The following CAMTA1 variants were observed in gnomAD, a reference collection of about 807,000 sequenced individuals.
CAMTA1 encodes the protein calmodulin-binding transcription activator 1.
CAMTA1 carries 27 observed loss-of-function variants against 170.9 expected under a neutral mutation model. The observed-to-expected ratio is 0.16, with a 90% CI of 0.12 to 0.22. CAMTA1 has a LOEUF of 0.22. CAMTA1 is among the 10% of genes least tolerant of loss of function. The pLI, the probability that CAMTA1 is intolerant of heterozygous loss-of-function variation, is 1.00. For synonymous variants in CAMTA1, 833 were observed against 891.5 expected (o/e 0.93, Z 1.17); for missense variants, 1,619 against 2,217.2 (o/e 0.73, Z 5.42).
chr1:7,276,037 A>T (rs1221486192), intron 5 of CAMTA1, among the ~76,000 whole-genome samples: 1 of 151,832 alleles, frequency 6.6e-6, no homozygotes, highest in Non-Finnish European at 1.5e-5. Flanking sequence ...AAAGGATAAT[A>T]CACCACGATT....
chr1:7,332,933 A>G (rs2083124826), intron 5 of CAMTA1, among the ~76,000 whole-genome samples: 1 of 152,210 alleles, frequency 6.6e-6, no homozygotes, highest in South Asian at 2.1e-4. Flanking sequence ...CGTAGGCTTG[A>G]TAAGTTCACA....
intron 22 of CAMTA1, among the ~76,000 whole-genome samples, chr1:7,758,884 G>C (rs1344929477): frequency 2.1e-5 from 3 of 143,488 alleles, no homozygotes; most frequent in South Asian, 2.2e-4. Context: ...GCAGTGAGCC[G>C]AGATAGCGCC....
At chr1:7,117,819 G>A (rs887898837) in intron 4 of CAMTA1, among the ~76,000 whole-genome samples, 3 of 152,130 alleles carry the variant, frequency 2.0e-5, no homozygotes, top group Non-Finnish European at 2.9e-5. Context: ...TGGGGATGGC[G>A]GACTCTCTCG....
At position 7,249,719 on chromosome 1, in the gene CAMTA1, C is replaced by T. The variant is rs1003625925; in HGVS notation, c.438+93C>T. 3.5e-6 allele frequency: 5 copies of T among 1,425,414 alleles called. No individual in the cohort carries two copies. Among genetic ancestry groups the T allele is most frequent in the Non-Finnish European group, 4.7e-6 (5 of 1,060,186 alleles). The allele number at this position is 1,425,414 out of a possible 1,614,324, so 88.3% of individuals were successfully genotyped here. On this transcript the variant is annotated intron_variant, in intron 5 of 22. Coordinates refer to ENST00000303635, the MANE Select transcript of CAMTA1 (RefSeq NM_015215.4). This position sits in a 1 kb window ranked among gnomAD's most constrained non-coding sequence, Gnocchi z 4.4. ...GCTTGGAGTAATTTGATGCGAGTCACCTCTGTCCAAAGAATTTTTGTTTGC... is the reference window on the plus strand; with the variant it reads ...GCTTGGAGTAATTTGATGCGAGTCATCTCTGTCCAAAGAATTTTTGTTTGC...
At chr1:7,659,819 T>G (rs1476104366) in intron 7 of CAMTA1, among the ~76,000 whole-genome samples, 2 of 152,222 alleles carry the variant, frequency 1.3e-5, no homozygotes, top group African/African-American at 2.4e-5. Context: ...ACCCTTTTTT[T>G]GGGTATGCAC....
chr1:6,966,514 G>A (rs1691573207), intron 3 of CAMTA1, among the ~76,000 whole-genome samples: 2 of 151,720 alleles, frequency 1.3e-5, no homozygotes, highest in Non-Finnish European at 2.9e-5. Flanking sequence ...GCACGTGCCA[G>A]AACTTCATTC....
chr1:7,039,262 C>T (rs952419877), intron 3 of CAMTA1, among the ~76,000 whole-genome samples: 1 of 152,096 alleles, frequency 6.6e-6, no homozygotes, highest in African/African-American at 2.4e-5. Context: ...TCCTCCTCCT[C>T]CTCCCTTCTT....
chr1:6,814,292 T>G (rs543723034), intron 1 of CAMTA1, among the ~76,000 whole-genome samples: 1 of 152,304 alleles, frequency 6.6e-6, no homozygotes, highest in South Asian at 2.1e-4. Flanking sequence ...TGCTAGTTGA[T>G]CATGAAACCC....
chr1:7,727,606 TTACTC>T (rs1266267238), intron 11 of CAMTA1, among the ~76,000 whole-genome samples: 1 of 152,242 alleles, frequency 6.6e-6, no homozygotes, highest in Non-Finnish European at 1.5e-5. Flanking sequence ...ATGTACTTAT[TTACTC>T]TAATGTAATC....
chr1:6,967,248 A>T (rs1021134991), intron 3 of CAMTA1, among the ~76,000 whole-genome samples: 5 of 151,970 alleles, frequency 3.3e-5, no homozygotes, highest in African/African-American at 1.2e-4. Context: ...TTCAAAAACA[A>T]AAAAACCAAA....
chr1:7,741,553 C>A (rs1432158834), intron 16 of CAMTA1, among the ~76,000 whole-genome samples: 1 of 150,710 alleles, frequency 6.6e-6, no homozygotes, highest in African/African-American at 2.4e-5. Flanking sequence ...CAGAGCGAGA[C>A]TCTCTCTCAA....
At chr1:6,892,605 T>C (rs1253409608) in intron 3 of CAMTA1, among the ~76,000 whole-genome samples, 1 of 151,264 alleles carries the variant, frequency 6.6e-6, no homozygotes, top group African/African-American at 2.4e-5. Context: ...TTCTTTTTTT[T>C]TTTTTTTTTG....
In CAMTA1 at chr1:7,622,904, G is replaced by A. The variant is rs538675103; in HGVS notation, c.511-17496G>A. Among the ~76,000 whole-genome samples the A allele has an allele frequency of 3.3e-5, 5 of 152,198 alleles. No homozygotes were observed. In the South Asian group the frequency reaches 8.3e-4, roughly 25 times the overall value. On this transcript the variant is annotated intron_variant, in intron 6 of 22. Transcript: ENST00000303635. The stretch of plus-strand genomic sequence containing the variant: ...GAACCTCTGTGCTTTCTTGTTTCAC[G>A]GCTGTTTTCCTGAATGCTCCCTGTG...
chr1:7,659,335 A>G (rs1196290042), intron 7 of CAMTA1, among the ~76,000 whole-genome samples: 1 of 152,152 alleles, frequency 6.6e-6, no homozygotes, highest in East Asian at 1.9e-4. Context: ...GGAGTTCAAG[A>G]CCAGCCTGGC....
chr1:7,708,768 G>T (rs1558185571), intron 11 of CAMTA1, among the ~76,000 whole-genome samples: 1 of 152,154 alleles, frequency 6.6e-6, no homozygotes, highest in Admixed American at 6.5e-5. Context: ...ATATTACTTT[G>T]AGGAAGGTAA....
chr1:7,046,865 T>A (rs1244259822), intron 3 of CAMTA1, among the ~76,000 whole-genome samples: 2 of 152,214 alleles, frequency 1.3e-5, no homozygotes, highest in Non-Finnish European at 2.9e-5. Context: ...TAATGTGAAA[T>A]GCTGCCATGG....
At chr1:7,387,236 A>G (rs1575057637) in intron 5 of CAMTA1, among the ~76,000 whole-genome samples, 1 of 151,522 alleles carries the variant, frequency 6.6e-6, no homozygotes, top group Non-Finnish European at 1.5e-5. Context: ...CTTGGACCCT[A>G]CCCTGCTTCC....
In CAMTA1 at chr1:7,173,065, T is replaced by A. The variant is rs1573636427; in HGVS notation, c.303-76426T>A. Among the ~76,000 whole-genome samples, 1 of 152,048 alleles carries A rather than the reference T, an allele frequency of 6.6e-6. No homozygotes were observed. Among genetic ancestry groups the A allele is most frequent in the South Asian group, 2.1e-4 (1 of 4,820 alleles). The stretch of plus-strand genomic sequence containing the variant: ...ACAGGCTGTGCGGGAGGCGCAGGGG[T>A]GAGGCTCCGAAGCAAGAGCAGCCAG... On this transcript the variant is annotated intron_variant, in intron 4 of 22. Coordinates refer to ENST00000303635, the MANE Select transcript of CAMTA1 (RefSeq NM_015215.4). The surrounding 1 kb of genome is among the most constrained non-coding windows in gnomAD (Gnocchi z 5.4).
intron 3 of CAMTA1, among the ~76,000 whole-genome samples, chr1:6,913,020 C>T (rs1225106635): frequency 6.6e-6 from 1 of 152,190 alleles, no homozygotes; most frequent in East Asian, 1.9e-4. Flanking sequence ...AACTTGGTCT[C>T]CCCAGGCTGC....
Sources: allele counts gnomAD v4.1 joint callset (sites outside exome capture counted in the v4.1 genomes callset), GRCh38; gene constraint gnomAD v4.1.1; non-coding constraint Gnocchi (gnomAD v3.1); transcripts MANE v1.5; gene names NCBI Gene and HGNC (gene_info 2026-07-23, HGNC 2026-07-21).